The following FLI1 variants were observed in gnomAD, a reference collection of about 807,000 sequenced individuals.
FLI1 encodes the protein Fli-1 proto-oncogene, ETS transcription factor.
FLI1 carries 13 observed loss-of-function variants against 53.1 expected under a neutral mutation model. The observed-to-expected ratio is 0.24, with a 90% CI of 0.16 to 0.39. The LOEUF (loss-of-function observed/expected upper bound fraction) is 0.39. FLI1 is among the 10% of genes least tolerant of loss of function. The pLI, the probability that FLI1 is intolerant of heterozygous loss-of-function variation, is 1.00. For synonymous variants in FLI1, 244 were observed against 236.7 expected, an observed-to-expected ratio of 1.03 and a Z score of -0.28; for missense variants, 424 against 600.5, an observed-to-expected ratio of 0.71 and a Z score of 3.07.
chr11:128,748,074 G>A (rs990968744), intron 1 of FLI1, among the ~76,000 whole-genome samples: 2 of 152,214 alleles, frequency 1.3e-5, no homozygotes, highest in African/African-American at 2.4e-5. Flanking sequence ...CGGGAGGCCC[G>A]TGAGGCACAG....
At chr11:128,801,648 A>T (rs1356925606) in intron 5 of FLI1, among the ~76,000 whole-genome samples, 1 of 152,214 alleles carries the variant, frequency 6.6e-6, no homozygotes, top group Non-Finnish European at 1.5e-5. Context: ...TGGAGGCTTA[A>T]TTTCGTGAAG....
At chr11:128,757,685 C>G (rs564515012) in intron 1 of FLI1, among the ~76,000 whole-genome samples, 1 of 152,304 alleles carries the variant, frequency 6.6e-6, no homozygotes, top group Non-Finnish European at 1.5e-5. Context: ...AATGCTGGAT[C>G]TCATCTCCCC....
chr11:128,805,952 C>T (rs1000628599), intron 6 of FLI1: 5 of 151,810 alleles, frequency 3.3e-5, no homozygotes, highest in Admixed American at 1.3e-4. Context: ...TCTGGGACAT[C>T]AGGTTCTCCA....
At chr11:128,772,028 CCACACACACACACACACACA>C (rs57703345) in intron 3 of FLI1, among the ~76,000 whole-genome samples, 313 of 139,132 alleles carry the variant, frequency 2.2e-3, no homozygotes, top group African/African-American at 7.2e-3. Flanking sequence ...AACATCCCCA[CCACACACACACACACACACA>C]CACACACACA....
upstream of FLI1, among the ~76,000 whole-genome samples, chr11:128,688,944 G>T (rs957860250): frequency 1.3e-5 from 2 of 152,164 alleles, no homozygotes; most frequent in Non-Finnish European, 2.9e-5. Flanking sequence ...AGAAACTGAG[G>T]CATTGTGAGG....
intron 1 of FLI1, among the ~76,000 whole-genome samples, chr11:128,754,507 CT>C (rs1400372838): frequency 6.6e-6 from 1 of 152,152 alleles, no homozygotes; most frequent in African/African-American, 2.4e-5. Flanking sequence ...TAGGGCTTGT[CT>C]AGTGGAGCAG....
intron 5 of FLI1, among the ~76,000 whole-genome samples, chr11:128,802,434 G>T (rs559972288): frequency 6.6e-6 from 1 of 152,368 alleles, no homozygotes; most frequent in Non-Finnish European, 1.5e-5. Context: ...AGGGAGGCCT[G>T]TGGTCTTTGC....
At chr11:128,776,972 A>G (rs1178639185) in intron 4 of FLI1, among the ~76,000 whole-genome samples, 4 of 152,190 alleles carry the variant, frequency 2.6e-5, no homozygotes, top group Admixed American at 2.0e-4. Flanking sequence ...ATGCTTTCCA[A>G]AAACTTTCCT....
intron 5 of FLI1, among the ~76,000 whole-genome samples, chr11:128,793,983 C>A (rs1942355676): frequency 6.6e-6 from 1 of 152,170 alleles, no homozygotes; most frequent in South Asian, 2.1e-4. Context: ...AGCTCCACTA[C>A]AGTTCTCAGT....
At chr11:128,720,140 T>A (rs952374069) in intron 1 of FLI1, among the ~76,000 whole-genome samples, 3 of 152,208 alleles carry the variant, frequency 2.0e-5, no homozygotes, top group Non-Finnish European at 4.4e-5. Flanking sequence ...GACATATATG[T>A]ATTATTTTAT....
At chr11:128,714,652 A>C (rs1231041863) in intron 1 of FLI1, among the ~76,000 whole-genome samples, 1 of 149,262 alleles carries the variant, frequency 6.7e-6, no homozygotes, top group Non-Finnish European at 1.5e-5. Flanking sequence ...GATGATGATG[A>C]TGATGGTTAC....
At chr11:128,740,014 C>T (rs904462711) in intron 1 of FLI1, among the ~76,000 whole-genome samples, 17 of 152,186 alleles carry the variant, frequency 1.1e-4, no homozygotes, top group African/African-American at 4.1e-4. Context: ...GACACATGGG[C>T]CTTGGTTCAC....
intron 1 of FLI1, among the ~76,000 whole-genome samples, chr11:128,752,028 T>C (rs1368466479): frequency 6.6e-6 from 1 of 151,936 alleles, no homozygotes; most frequent in African/African-American, 2.4e-5. Flanking sequence ...CAAGCCAGAG[T>C]GCTGTGCCGC....
intron 1 of FLI1, among the ~76,000 whole-genome samples, chr11:128,745,077 T>C (rs1381041071): frequency 2.6e-5 from 4 of 152,212 alleles, no homozygotes; most frequent in Admixed American, 1.3e-4. Flanking sequence ...TGAAGCTGCA[T>C]ATGTATATTA....
chr11:128,755,356 A>C (rs1940819640), intron 1 of FLI1, among the ~76,000 whole-genome samples: 1 of 152,248 alleles, frequency 6.6e-6, no homozygotes, highest in Non-Finnish European at 1.5e-5. Flanking sequence ...CATTCTCTAC[A>C]GCAGAAGATG....
chr11:128,697,781 C>T (rs1352101070), intron 1 of FLI1, among the ~76,000 whole-genome samples: 3 of 152,172 alleles, frequency 2.0e-5, no homozygotes, highest in Non-Finnish European at 4.4e-5. Context: ...GTTTATGATG[C>T]ATCTATTATG....
intron 2 of FLI1, among the ~76,000 whole-genome samples, chr11:128,762,328 G>C (rs1184046918): frequency 6.6e-6 from 1 of 152,208 alleles, no homozygotes; most frequent in African/African-American, 2.4e-5. Flanking sequence ...CTGAACTTCA[G>C]ATGAGAAAAC....
chr11:128,798,289 TC>T (rs1942504474), intron 5 of FLI1, among the ~76,000 whole-genome samples: 1 of 152,054 alleles, frequency 6.6e-6, no homozygotes, highest in African/African-American at 2.4e-5. Context: ...GGCTCAAAAA[TC>T]CCACTTTGAG....
intron 1 of FLI1, among the ~76,000 whole-genome samples, chr11:128,745,058 C>A (rs1212203352): frequency 6.6e-6 from 1 of 152,122 alleles, no homozygotes; most frequent in African/African-American, 2.4e-5. Flanking sequence ...GGAGGCAATT[C>A]TATGCAGGTG....
Sources: gnomAD v4.1 joint callset for allele counts (sites outside exome capture counted in the v4.1 genomes callset) on GRCh38, gnomAD v4.1.1 for gene constraint, MANE v1.5 for transcripts, NCBI Gene and HGNC (gene_info 2026-07-23, HGNC 2026-07-21) for gene names.